ATP2B1: variants seen among roughly 807,000 people sequenced by gnomAD.
ATP2B1 encodes the protein plasma membrane calcium-transporting ATPase 1.
A neutral mutation model predicts 124.2 loss-of-function variants in ATP2B1; 14 were observed. That is an observed-to-expected ratio of 0.11 (90% CI 0.07 to 0.18). The LOEUF is 0.18. ATP2B1 is among the 10% of genes least tolerant of loss of function. The pLI, the probability that ATP2B1 is intolerant of heterozygous loss-of-function variation, is 1.00. For synonymous variants in ATP2B1, 449 were observed against 492.4 expected (o/e 0.91, Z 1.17); for missense variants, 763 against 1,466.1 (o/e 0.52, Z 7.83).
chr12:89,689,972 T>C (rs1438292151), intron 1 of ATP2B1, among the ~76,000 whole-genome samples: 1 of 152,128 alleles, frequency 6.6e-6, no homozygotes, highest in Non-Finnish European at 1.5e-5. Flanking sequence ...TTTGAATAAA[T>C]TCCTATCAAT....
chr12:89,671,177 C>T (rs1157965818), intron 1 of ATP2B1, among the ~76,000 whole-genome samples: 1 of 151,884 alleles, frequency 6.6e-6, no homozygotes, highest in Non-Finnish European at 1.5e-5. Context: ...AAATGGGCAA[C>T]CTAAAAAGAG....
At chr12:89,657,971 A>G (rs1886154680) in intron 1 of ATP2B1, among the ~76,000 whole-genome samples, 1 of 152,100 alleles carries the variant, frequency 6.6e-6, no homozygotes, top group Non-Finnish European at 1.5e-5. Context: ...TTGTCTAATT[A>G]TTACCAATTT....
chr12:89,692,835 TATCAG>T (rs1394588425), intron 1 of ATP2B1, among the ~76,000 whole-genome samples: 2 of 152,238 alleles, frequency 1.3e-5, no homozygotes, highest in African/African-American at 4.8e-5. Flanking sequence ...CAATGTTTAA[TATCAG>T]ATATTTGGTA....
chr12:89,684,267 C>T (rs1889708945), intron 1 of ATP2B1, among the ~76,000 whole-genome samples: 1 of 152,110 alleles, frequency 6.6e-6, no homozygotes, highest in South Asian at 2.1e-4. Context: ...CAGTTCTGAA[C>T]TTTTATAAGC....
chr12:89,678,077 C>A (rs1312930590), intron 1 of ATP2B1, among the ~76,000 whole-genome samples: 1 of 148,320 alleles, frequency 6.7e-6, no homozygotes, highest in Non-Finnish European at 1.5e-5. Context: ...TCACTACAAA[C>A]TAACCTAACT....
At chr12:89,646,202 G>C (rs973332384) in intron 2 of ATP2B1, among the ~76,000 whole-genome samples, 1 of 151,904 alleles carries the variant, frequency 6.6e-6, no homozygotes, top group Admixed American at 6.6e-5. Context: ...AGGGGAGGGA[G>C]GAGTTAATGG....
chr12:89,671,311 C>T (rs752155255), intron 1 of ATP2B1, among the ~76,000 whole-genome samples: 17 of 152,082 alleles, frequency 1.1e-4, no homozygotes, highest in Non-Finnish European at 1.5e-5. Context: ...CTTCTAAGGA[C>T]GATCATTAGA....
chr12:89,610,108 T>G, intron 14 of ATP2B1, 65 bp from the exon 15 acceptor site: 2 of 1,390,348 alleles, frequency 1.4e-6, no homozygotes, highest in Non-Finnish European at 2.0e-6. Flanking sequence ...TTCTGAAGAA[T>G]ATCCTGACGT....
chr12:89,625,197 CAG>C (rs1880648473), intron 8 of ATP2B1, among the ~76,000 whole-genome samples: 3 of 151,980 alleles, frequency 2.0e-5, no homozygotes, highest in Non-Finnish European at 2.9e-5. Flanking sequence ...ACCCAGGAGG[CAG>C]AGGTTGCAGT....
intron 9 of ATP2B1, among the ~76,000 whole-genome samples, chr12:89,623,212 C>T (rs997027532): frequency 6.6e-6 from 1 of 151,918 alleles, no homozygotes; most frequent in African/African-American, 2.4e-5. Flanking sequence ...ATTAATATTG[C>T]TCACTGTCAG....
chr12:89,631,782 C>T (rs1320380912), intron 5 of ATP2B1, among the ~76,000 whole-genome samples: 1 of 151,832 alleles, frequency 6.6e-6, no homozygotes, highest in African/African-American at 2.4e-5. Flanking sequence ...TTACTATTCT[C>T]ATTTTCTAGA....
chr12:89,663,796 T>C (rs575012628), intron 1 of ATP2B1, among the ~76,000 whole-genome samples: 41 of 152,346 alleles, frequency 2.7e-4, no homozygotes, highest in East Asian at 9.6e-4. Flanking sequence ...CCACTCCCTA[T>C]TGAAATGTTC....
chr12:89,653,854 A>C (rs1166969947), intron 2 of ATP2B1, among the ~76,000 whole-genome samples: 1 of 152,190 alleles, frequency 6.6e-6, no homozygotes, highest in Admixed American at 6.5e-5. Context: ...CTCATTCTCA[A>C]ATGGTGGGGT....
At chr12:89,708,068 ACAATCAACCAC>A (rs777768981) in intron 1 of ATP2B1, among the ~76,000 whole-genome samples, 4 of 152,204 alleles carry the variant, frequency 2.6e-5, no homozygotes, top group Non-Finnish European at 5.9e-5. Flanking sequence ...TGACACGCCA[ACAATCAACCAC>A]CAGGGCCAGG....
intron 1 of ATP2B1, among the ~76,000 whole-genome samples, chr12:89,659,915 CAAA>C (rs1234238576): frequency 4.7e-5 from 2 of 42,524 alleles, no homozygotes; most frequent in Non-Finnish European, 1.0e-4. Context: ...AAGCGAGACT[CAAA>C]AAAAAAAAAA....
At chr12:89,615,099 G>A (rs540461180) in intron 12 of ATP2B1, among the ~76,000 whole-genome samples, 1 of 152,140 alleles carries the variant, frequency 6.6e-6, no homozygotes, top group South Asian at 2.1e-4. Flanking sequence ...AGCCACACTG[G>A]CCTCTTTTCC....
intron 8 of ATP2B1, among the ~76,000 whole-genome samples, chr12:89,625,494 G>A (rs1190432506): frequency 6.6e-6 from 1 of 150,502 alleles, no homozygotes; most frequent in Non-Finnish European, 1.5e-5. Context: ...GGAGGCAGGA[G>A]GATAACCTGA....
At chr12:89,618,050 T>G (rs932947894) in intron 11 of ATP2B1, among the ~76,000 whole-genome samples, 2 of 152,164 alleles carry the variant, frequency 1.3e-5, no homozygotes, top group Admixed American at 6.5e-5. Context: ...CTACAGCTAT[T>G]GTAATAGCAA....
chr12:89,645,233 T>A (rs1332258678), intron 2 of ATP2B1, among the ~76,000 whole-genome samples: 1 of 152,232 alleles, frequency 6.6e-6, no homozygotes, highest in East Asian at 1.9e-4. Context: ...GAACACAAAT[T>A]ATAAACTGAC....
Sources: allele counts gnomAD v4.1 joint callset (sites outside exome capture counted in the v4.1 genomes callset), GRCh38; gene constraint gnomAD v4.1.1; transcripts MANE v1.5; gene names NCBI Gene and HGNC (gene_info 2026-07-23, HGNC 2026-07-21).